The following SPMAP2L variants were observed in gnomAD, a reference collection of about 807,000 sequenced individuals.
SPMAP2L encodes the protein sperm microtubule associated protein 2 like.
the SPMAP2L span, among the ~76,000 whole-genome samples, chr4:56,552,207 C>G: frequency 2.6e-5 from 4 of 152,202 alleles, no homozygotes; most frequent in Non-Finnish European, 4.4e-5. Context: ...TCTTCAGAAT[C>G]CAGTGCCACC....
the SPMAP2L span, among the ~76,000 whole-genome samples, chr4:56,535,965 T>G: frequency 6.6e-6 from 1 of 152,220 alleles, no homozygotes. Flanking sequence ...ATTAGTTAGA[T>G]TCTCATAAGG....
chr4:56,596,007 A>C, the SPMAP2L span, among the ~76,000 whole-genome samples: 1 of 152,204 alleles, frequency 6.6e-6, no homozygotes, highest in African/African-American at 2.4e-5. Context: ...TTAACTTTTA[A>C]TGTGGCAAGT....
chr4:56,565,035 T>C, the SPMAP2L span, among the ~76,000 whole-genome samples: 1 of 152,212 alleles, frequency 6.6e-6, no homozygotes, highest in African/African-American at 2.4e-5. Context: ...ACATTCTGCA[T>C]TATTTTAGTC....
At chr4:56,537,649 T>C in the SPMAP2L span, among the ~76,000 whole-genome samples, 1 of 152,106 alleles carries the variant, frequency 6.6e-6, no homozygotes, top group African/African-American at 2.4e-5. Flanking sequence ...ACACACTCAC[T>C]CCAGTTGTCC....
the SPMAP2L span, among the ~76,000 whole-genome samples, chr4:56,559,237 G>A: frequency 6.7e-6 from 1 of 149,804 alleles, no homozygotes; most frequent in African/African-American, 2.5e-5. Context: ...GGAGGCAGAG[G>A]TTGCAGTGAG....
chr4:56,605,917 T>A, the SPMAP2L span, among the ~76,000 whole-genome samples: 2 of 152,200 alleles, frequency 1.3e-5, no homozygotes, highest in Admixed American at 6.5e-5. Context: ...TTGTAACCAT[T>A]TGTCTTTTAA....
At chr4:56,541,997 C>T in the SPMAP2L span, among the ~76,000 whole-genome samples, 1 of 152,134 alleles carries the variant, frequency 6.6e-6, no homozygotes, top group Non-Finnish European at 1.5e-5. Flanking sequence ...CTAATTGTCT[C>T]AAAAACATAT....
At chr4:56,603,477 A>G in the SPMAP2L span, 10 of 509,724 alleles carry the variant, frequency 2.0e-5, 1 homozygote, top group Non-Finnish European at 3.4e-5. Flanking sequence ...TGATCATTAA[A>G]TAGCAGTTGT....
the SPMAP2L span, among the ~76,000 whole-genome samples, chr4:56,553,657 T>C: frequency 4.6e-5 from 7 of 152,140 alleles, no homozygotes; most frequent in African/African-American, 1.2e-4. Context: ...ATTGTTAAAA[T>C]TGATGAGCCA....
chr4:56,578,530 T>A, the SPMAP2L span, among the ~76,000 whole-genome samples: 2 of 152,062 alleles, frequency 1.3e-5, no homozygotes, highest in African/African-American at 4.8e-5. Context: ...TGTAAATGAA[T>A]TGAACACTCC....
the SPMAP2L span, among the ~76,000 whole-genome samples, chr4:56,534,592 A>C: frequency 6.6e-6 from 1 of 152,164 alleles, no homozygotes; most frequent in Admixed American, 6.5e-5. Context: ...ATAACCAGTC[A>C]TTGATTTATC....
At chr4:56,602,685 A>G in the SPMAP2L span, among the ~76,000 whole-genome samples, 2 of 152,150 alleles carry the variant, frequency 1.3e-5, no homozygotes. Context: ...ACAGAGTGAA[A>G]CCCTGTCTCA....
At chr4:56,584,144 T>G in the SPMAP2L span, among the ~76,000 whole-genome samples, 1 of 151,958 alleles carries the variant, frequency 6.6e-6, no homozygotes, top group African/African-American at 2.4e-5. Context: ...TTTTTTTAGT[T>G]TTTGTAGAGA....
chr4:56,571,688 A>T, the SPMAP2L span, among the ~76,000 whole-genome samples: 1 of 152,164 alleles, frequency 6.6e-6, no homozygotes, highest in Non-Finnish European at 1.5e-5. Flanking sequence ...CTCTAAAAAA[A>T]ATTAAAAAAA....
the SPMAP2L span, among the ~76,000 whole-genome samples, chr4:56,545,938 GC>G: frequency 1.3e-3 from 198 of 151,952 alleles, no homozygotes; most frequent in African/African-American, 4.6e-3. Flanking sequence ...GATTACAGAC[GC>G]CCGCCACCAC....
chr4:56,621,465 C>T, the SPMAP2L span, among the ~76,000 whole-genome samples: 1 of 152,150 alleles, frequency 6.6e-6, no homozygotes, highest in South Asian at 2.1e-4. Flanking sequence ...AGAACTTGAG[C>T]AAACATCTCA....
chr4:56,615,748 A>AAAACAAAC, the SPMAP2L span, among the ~76,000 whole-genome samples: 356 of 150,694 alleles, frequency 2.4e-3, no homozygotes, highest in East Asian at 0.02. Flanking sequence ...ACTGTATCTC[A>AAAACAAAC]AAACAAACAA....
At chr4:56,568,696 A>G in the SPMAP2L span, among the ~76,000 whole-genome samples, 1 of 152,228 alleles carries the variant, frequency 6.6e-6, no homozygotes, top group Non-Finnish European at 1.5e-5. Flanking sequence ...ATTAAAGTGT[A>G]TAAATTAGAG....
the SPMAP2L span, chr4:56,531,047 C>G: frequency 1.3e-6 from 2 of 1,535,598 alleles, no homozygotes; most frequent in Non-Finnish European, 1.7e-6. Flanking sequence ...CTCCGCCACA[C>G]CCGTGAGCCC....
Sources: gnomAD v4.1 joint callset for allele counts (sites outside exome capture counted in the v4.1 genomes callset) on GRCh38, gnomAD v4.1.1 for gene constraint, MANE v1.5 for transcripts, NCBI Gene and HGNC (gene_info 2026-07-23, HGNC 2026-07-21) for gene names.